Variants in YTHDF2 observed in about 807,000 individuals in gnomAD.
YTHDF2 encodes YTH N6-methyladenosine RNA binding protein F2, also known as YTH domain-containing family protein 2.
A neutral mutation model predicts 50.4 loss-of-function variants in YTHDF2; 2 were observed. The ratio of observed to expected loss-of-function variants is 0.04; its 90% confidence interval spans 0.02 to 0.12. The LOEUF (loss-of-function observed/expected upper bound fraction) is 0.12. YTHDF2 is among the 10% of genes least tolerant of loss of function. YTHDF2 has a pLI of 1.00. For synonymous variants in YTHDF2, 217 were observed against 255.6 expected (o/e 0.85, Z 1.44); for missense variants, 483 against 722.6 (o/e 0.67, Z 3.80).
chr1:28,742,768 T>C lies in YTHDF2; in HGVS notation c.498T>C (p.Asp166=), dbSNP rs772993578. ...GCTCCTTAGGTGGAGCCATGATTGA[T>C]GGACAGTCAGCTTTTGCCAATGAGA... is the stretch of plus-strand genomic sequence containing the variant. ...APSSLGGAMI[D]GQSAFANETL... is the part of the protein sequence containing the mutation. Residue 166 remains aspartate, a synonymous_variant, in exon 4 of 5, where the codon GAT becomes GAC. Coordinates refer to ENST00000373812, the MANE Select transcript of YTHDF2 (RefSeq NM_016258.3). 30 of 1,614,068 alleles carry C rather than the reference T, an allele frequency of 1.9e-5. No individual in the cohort carries two copies. In the East Asian group the frequency reaches 6.5e-4, roughly 35 times the overall value.
At chr1:28,758,357 C>A (rs2088065220) in intron 4 of YTHDF2, among the ~76,000 whole-genome samples, 1 of 152,102 alleles carries the variant, frequency 6.6e-6, no homozygotes, top group Non-Finnish European at 1.5e-5. Flanking sequence ...CAGAGTGAGA[C>A]CCTGTCTCCA....
At chr1:28,744,910 C>G (rs1383824056) in intron 4 of YTHDF2, among the ~76,000 whole-genome samples, 1 of 152,118 alleles carries the variant, frequency 6.6e-6, no homozygotes, top group Non-Finnish European at 1.5e-5. Context: ...CTCAAGTGAT[C>G]TGCCCCTGCC....
At chr1:28,736,930 C>G (rs933050436), upstream of YTHDF2, 1 of 643,594 alleles carries the variant, frequency 1.6e-6, no homozygotes, top group African/African-American at 1.9e-5. Flanking sequence ...GGGCATTGAG[C>G]TCTTGGGCTA....
At chr1:28,738,194 ATG>A (rs2087724032) in intron 2 of YTHDF2, 63 bp from the exon 3 acceptor site, 1 of 1,325,280 alleles carries the variant, frequency 7.5e-7, no homozygotes, top group South Asian at 1.2e-5. Context: ...GTTAGCATAT[ATG>A]AACTAATTTG....
At chr1:28,746,916 T>C (rs1390004152) in intron 4 of YTHDF2, among the ~76,000 whole-genome samples, 1 of 151,472 alleles carries the variant, frequency 6.6e-6, no homozygotes, top group Non-Finnish European at 1.5e-5. Context: ...ACCCTGTCTC[T>C]ACTAAAAAAT....
chr1:28,737,331 C>T (rs781420558), intron 1 of YTHDF2, 184 bp downstream of exon 1: 11 of 771,270 alleles, frequency 1.4e-5, no homozygotes, highest in South Asian at 2.0e-5. Context: ...TCCCGCTTCT[C>T]CTCGGGCCTC....
chr1:28,760,145 G>A (rs58625956), intron 4 of YTHDF2, among the ~76,000 whole-genome samples: 4 of 152,154 alleles, frequency 2.6e-5, no homozygotes, highest in African/African-American at 7.2e-5. Context: ...ACCTTCTTCT[G>A]GAATACCTCC....
At chr1:28,740,331 G>A (rs1257674665) in intron 3 of YTHDF2, 2 of 152,140 alleles carry the variant, frequency 1.3e-5, no homozygotes, top group African/African-American at 4.8e-5. Context: ...TGCCAGTTCA[G>A]GTACAGACAT....
At chr1:28,761,021 G>A (rs961756994) in intron 4 of YTHDF2, among the ~76,000 whole-genome samples, 5 of 151,698 alleles carry the variant, frequency 3.3e-5, no homozygotes, top group South Asian at 2.1e-4. Context: ...CAGTGGCTTC[G>A]ACATCGCTAG....
intron 4 of YTHDF2, among the ~76,000 whole-genome samples, chr1:28,749,874 G>C (rs1296343522): frequency 1.3e-5 from 2 of 151,304 alleles, no homozygotes; most frequent in Non-Finnish European, 2.9e-5. Flanking sequence ...GGTGGCAACA[G>C]TTTGAGTTTT....
chr1:28,738,935 A>G (rs1396885002), intron 3 of YTHDF2, among the ~76,000 whole-genome samples: 2 of 152,220 alleles, frequency 1.3e-5, no homozygotes, highest in Admixed American at 6.5e-5. Context: ...ATAACACTCT[A>G]CTGGCAGTAA....
chr1:28,758,041 T>C (rs2088061225), intron 4 of YTHDF2, among the ~76,000 whole-genome samples: 1 of 152,182 alleles, frequency 6.6e-6, no homozygotes, highest in Admixed American at 6.6e-5. Context: ...ACCTAGGAAG[T>C]AGAACTGGGA....
intron 4 of YTHDF2, among the ~76,000 whole-genome samples, chr1:28,748,344 T>C (rs2087896057): frequency 1.3e-5 from 2 of 152,196 alleles, no homozygotes; most frequent in African/African-American, 2.4e-5. Flanking sequence ...TCATAGCTCA[T>C]TGAGATGGTA....
At position 28,747,974 on chromosome 1, in the gene YTHDF2, A is replaced by G. The variant is rs1008105210; in HGVS notation, c.1716+3988A>G. ...CCCCGTCTCTATTAAATAAACTACAAAAAATTAGCTGGGTGTGATGGTGGG... is the reference window on the plus strand; with the variant it reads ...CCCCGTCTCTATTAAATAAACTACAGAAAATTAGCTGGGTGTGATGGTGGG... On this transcript the variant is annotated intron_variant, in intron 4 of 4. Transcript: ENST00000373812. 2.8e-4 allele frequency among the ~76,000 whole-genome samples: 42 copies of G among 150,554 alleles called. 1 individual carries two copies. Among genetic ancestry groups the G allele is most frequent in the Non-Finnish European group, 5.9e-5 (4 of 67,660 alleles).
chr1:28,736,717 T>C (rs1335799502), upstream of YTHDF2: 3 of 240,504 alleles, frequency 1.2e-5, no homozygotes, highest in East Asian at 2.7e-4. Flanking sequence ...GGGGAGGCCG[T>C]GAGCACGGCT....
intron 4 of YTHDF2, among the ~76,000 whole-genome samples, chr1:28,747,348 G>C (rs2087879737): frequency 1.3e-5 from 2 of 151,628 alleles, no homozygotes; most frequent in African/African-American, 2.4e-5. Context: ...GAGGCGAGCA[G>C]ATCACGATGT....
intron 4 of YTHDF2, among the ~76,000 whole-genome samples, chr1:28,762,500 A>G (rs913932980): frequency 1.3e-5 from 2 of 152,242 alleles, no homozygotes; most frequent in African/African-American, 4.8e-5. Flanking sequence ...TCATGGGGGC[A>G]TAGGAAAAAC....
At chr1:28,752,733 A>C (rs1290009039) in intron 4 of YTHDF2, among the ~76,000 whole-genome samples, 1 of 152,234 alleles carries the variant, frequency 6.6e-6, no homozygotes, top group East Asian at 1.9e-4. Flanking sequence ...GTAGCTCTTA[A>C]ACATTTTTTT....
intron 2 of YTHDF2, 118 bp from the exon 3 acceptor site, chr1:28,738,141 G>A (rs1392997218): frequency 1.0e-5 from 8 of 767,772 alleles, no homozygotes; most frequent in Admixed American, 2.6e-5. Flanking sequence ...CCCTTTTGAA[G>A]TTCAATCTTA....
Sources: allele counts gnomAD v4.1 joint callset (sites outside exome capture counted in the v4.1 genomes callset), GRCh38; gene constraint gnomAD v4.1.1; transcripts MANE v1.5; gene names NCBI Gene and HGNC (gene_info 2026-07-23, HGNC 2026-07-21).